Variants in PAX5 observed in about 807,000 individuals in gnomAD.
PAX5 encodes the protein paired box protein Pax-5.
PAX5 carries 9 observed loss-of-function variants against 43.7 expected under a neutral mutation model. That is an observed-to-expected ratio of 0.21 (90% CI 0.12 to 0.36). The LOEUF is 0.36. Among genes scored for constraint, PAX5 ranks in the 10% least tolerant of loss-of-function variants. The pLI is 1.00. For synonymous variants in PAX5, 228 were observed against 214.3 expected (o/e 1.06, Z -0.56); for missense variants, 383 against 532.7 (o/e 0.72, Z 2.77).
chr9:36,886,508 A>G (rs1358755409), intron 7 of PAX5, among the ~76,000 whole-genome samples: 1 of 152,104 alleles, frequency 6.6e-6, no homozygotes, highest in East Asian at 1.9e-4. Context: ...TCCCTTCCCT[A>G]ACATGTCTTA....
intron 9 of PAX5, among the ~76,000 whole-genome samples, chr9:36,846,509 T>C (rs1173848097): frequency 2.0e-5 from 3 of 152,228 alleles, no homozygotes; most frequent in Non-Finnish European, 4.4e-5. Flanking sequence ...GAATATGTCA[T>C]TATGCTTAAG....
At chr9:37,018,570 CAAAAA>C (rs1222049885) in intron 2 of PAX5, among the ~76,000 whole-genome samples, 3 of 70,992 alleles carry the variant, frequency 4.2e-5, no homozygotes, top group Non-Finnish European at 5.8e-5. Context: ...CTTCAGTGAC[CAAAAA>C]AAAAAAAAAA....
At chr9:36,917,648 AT>A (rs530437560) in intron 7 of PAX5, among the ~76,000 whole-genome samples, 16 of 152,298 alleles carry the variant, frequency 1.1e-4, no homozygotes, top group African/African-American at 3.8e-4. Context: ...TTACAGGATT[AT>A]TTTCTACCTA....
At chr9:36,915,607 A>C (rs897176295) in intron 7 of PAX5, among the ~76,000 whole-genome samples, 2 of 152,166 alleles carry the variant, frequency 1.3e-5, no homozygotes, top group Admixed American at 1.3e-4. Context: ...TGAGGAAATT[A>C]GCTTTTTGTC....
chr9:36,923,304 C>G (rs186540605), intron 7 of PAX5, 51 bp downstream of exon 7: 1 of 1,573,366 alleles, frequency 6.4e-7, no homozygotes, highest in South Asian at 1.1e-5. Flanking sequence ...CCACACACTC[C>G]TATCTCTCTC....
rs180888522 is a variant in PAX5 at position 36,884,454 on chromosome 9, C to T, written c.911-2349G>A. On this transcript the variant is annotated intron_variant, in intron 7 of 9. Transcript: ENST00000358127. ...ATTCAATATTAATTCCTTATGATAC[C>T]TCTTAGTAAATAAGAATTGAAGTAT... Among the ~76,000 whole-genome samples, 391 of 152,154 alleles carry T rather than the reference C, an allele frequency of 2.6e-3. 1 individual carries two copies. The highest frequency in any genetic ancestry group is 9.1e-3 in the African/African-American group (376 of 41,502).
intron 1 of PAX5, among the ~76,000 whole-genome samples, chr9:37,028,670 C>A (rs1444271905): frequency 6.6e-6 from 1 of 152,184 alleles, no homozygotes; most frequent in Admixed American, 6.5e-5. Flanking sequence ...ACCGAATGAG[C>A]CAAGTCGCGT....
At chr9:36,874,122 C>T (rs1405289627) in intron 8 of PAX5, among the ~76,000 whole-genome samples, 1 of 152,198 alleles carries the variant, frequency 6.6e-6, no homozygotes, top group Non-Finnish European at 1.5e-5. Context: ...GCTCCAGAAC[C>T]TCAATACCCT....
chr9:36,900,535 C>G (rs1359010539), intron 7 of PAX5, among the ~76,000 whole-genome samples: 1 of 152,192 alleles, frequency 6.6e-6, no homozygotes, highest in African/African-American at 2.4e-5. Flanking sequence ...AGAGAGAATT[C>G]TGTTGTTTAC....
intron 7 of PAX5, among the ~76,000 whole-genome samples, chr9:36,902,515 T>A (rs1432867269): frequency 6.6e-6 from 1 of 152,202 alleles, no homozygotes; most frequent in Non-Finnish European, 1.5e-5. Context: ...CTGTCCCTGC[T>A]GGAAGTGTGC....
intron 2 of PAX5, among the ~76,000 whole-genome samples, chr9:37,018,835 C>G (rs191331742): frequency 6.6e-6 from 1 of 152,254 alleles, no homozygotes; most frequent in African/African-American, 2.4e-5. Context: ...CGGCTGGTCT[C>G]GGAAGCATCC....
intron 7 of PAX5, among the ~76,000 whole-genome samples, chr9:36,918,817 T>C (rs1420087784): frequency 6.6e-6 from 1 of 152,210 alleles, no homozygotes. Context: ...GATTGGTTCA[T>C]GAGGTTTATG....
At chr9:37,007,288 C>T (rs1018839718) in intron 3 of PAX5, among the ~76,000 whole-genome samples, 4 of 152,120 alleles carry the variant, frequency 2.6e-5, no homozygotes, top group South Asian at 2.1e-4. Context: ...TGTGGACCTC[C>T]GATACAATGA....
chr9:36,930,983 GAGA>G, intron 6 of PAX5: 1 of 574,418 alleles, frequency 1.7e-6, no homozygotes, highest in Non-Finnish European at 3.0e-6. Flanking sequence ...ACAGACACGT[GAGA>G]AGGAGGGCAG....
chr9:36,934,779 A>T (rs963923355), intron 6 of PAX5, among the ~76,000 whole-genome samples: 2 of 152,158 alleles, frequency 1.3e-5, no homozygotes, highest in Admixed American at 6.5e-5. Context: ...CTGTTTAGGG[A>T]CATCATCCCC....
intron 6 of PAX5, among the ~76,000 whole-genome samples, chr9:36,950,978 G>A (rs551232878): frequency 6.7e-4 from 102 of 152,146 alleles, no homozygotes; most frequent in Non-Finnish European, 1.2e-3. Context: ...TCCTGACCTC[G>A]TGATCCGCCC....
intron 5 of PAX5, among the ~76,000 whole-genome samples, chr9:36,989,826 C>T (rs941906072): frequency 6.6e-6 from 1 of 152,192 alleles, no homozygotes; most frequent in Admixed American, 6.5e-5. Flanking sequence ...ACATCCATGG[C>T]CCCCATTCGG....
At chr9:37,006,614 A>G in intron 3 of PAX5, 77 bp from the exon 4 acceptor site, 2 of 1,159,974 alleles carry the variant, frequency 1.7e-6, no homozygotes, top group Non-Finnish European at 2.6e-6. Flanking sequence ...TGCACAGACA[A>G]CCAGAAAACT....
chr9:36,918,002 T>A (rs1829855883), intron 7 of PAX5, among the ~76,000 whole-genome samples: 1 of 152,216 alleles, frequency 6.6e-6, no homozygotes, highest in African/African-American at 2.4e-5. Context: ...GCTGTGTGTG[T>A]TCTGACTGCT....
Sources: gnomAD v4.1 joint callset for allele counts (sites outside exome capture counted in the v4.1 genomes callset) on GRCh38, gnomAD v4.1.1 for gene constraint, MANE v1.5 for transcripts, NCBI Gene and HGNC (gene_info 2026-07-23, HGNC 2026-07-21) for gene names.